Variants in KCNQ2 observed in about 807,000 individuals in gnomAD.
The protein encoded by KCNQ2 is potassium voltage-gated channel subfamily KQT member 2.
KCNQ2 carries 14 observed loss-of-function variants against 84.8 expected under a neutral mutation model. The ratio of observed to expected loss-of-function variants is 0.17; its 90% confidence interval spans 0.11 to 0.26. The LOEUF (loss-of-function observed/expected upper bound fraction) is 0.26, where lower values mean the gene tolerates loss of function less well. Among genes scored for constraint, KCNQ2 ranks in the 10% least tolerant of loss-of-function variants. The pLI, the probability that KCNQ2 is intolerant of heterozygous loss-of-function variation, is 1.00. For synonymous variants in KCNQ2, 599 were observed against 554.1 expected, an observed-to-expected ratio of 1.08 and a Z score of -1.14; for missense variants, 788 against 1,254.0, an observed-to-expected ratio of 0.63 and a Z score of 5.61.
chr20:63,439,573 G>C (rs773454148), intron 6 of KCNQ2, 25 bp downstream of exon 6: 3 of 1,557,240 alleles, frequency 1.9e-6, no homozygotes, highest in African/African-American at 1.4e-5. Flanking sequence ...CCCCCTCCAA[G>C]GCAGGCAGGG....
At chr20:63,442,038 T>G (rs2081175425) in intron 5 of KCNQ2, among the ~76,000 whole-genome samples, 1 of 152,102 alleles carries the variant, frequency 6.6e-6, no homozygotes, top group African/African-American at 2.4e-5. Context: ...CTCCAAAAAC[T>G]CAGGGCTGCC....
chr20:63,424,788 T>C (rs1161561960), intron 10 of KCNQ2, among the ~76,000 whole-genome samples: 1 of 152,238 alleles, frequency 6.6e-6, no homozygotes, highest in Non-Finnish European at 1.5e-5. Context: ...CATCTGGGGC[T>C]GTTTCCGCGG....
rs555308994 is a variant in KCNQ2, at chr20:63,470,748, C to A, written c.296+1420G>T. 2.6e-5 allele frequency: 4 copies of A among 152,270 alleles called. No homozygotes were observed. In the South Asian group the frequency reaches 6.2e-4, roughly 24 times the overall value. 9.4% of individuals were successfully genotyped at this position (152,270 alleles called of 1,614,324 possible). ...ACCTGGCTGACCAGTACCGGCCCACCAAGAGCCCCTTTGGCCCCCAGCCAG... is the reference window on the plus strand; with the variant it reads ...ACCTGGCTGACCAGTACCGGCCCACAAAGAGCCCCTTTGGCCCCCAGCCAG... On this transcript the variant is annotated intron_variant, in intron 1 of 16. Transcript: ENST00000359125.
chr20:63,431,110 G>C (rs956972587), intron 9 of KCNQ2, among the ~76,000 whole-genome samples: 1 of 152,182 alleles, frequency 6.6e-6, no homozygotes, highest in African/African-American at 2.4e-5. Flanking sequence ...TGGGCCCTGG[G>C]AGGGCAGGGT....
intron 15 of KCNQ2, among the ~76,000 whole-genome samples, chr20:63,409,194 TCTGTGTGTGCAC>T (rs1479167020): frequency 6.6e-6 from 1 of 152,102 alleles, no homozygotes; most frequent in Non-Finnish European, 1.5e-5. Context: ...GCTGCGAGGG[TCTGTGTGTGCAC>T]GTGTGTGTGC....
Position 63,407,450 on chromosome 20 carries a change from A to C in KCNQ2, c.1888-75T>G. 6.6e-7 allele frequency: 1 copy of C among 1,523,990 alleles called. No homozygotes were observed. Among genetic ancestry groups the C allele is most frequent in the African/African-American group, 1.4e-5 (1 of 72,566 alleles). 94.4% of individuals were successfully genotyped at this position (1,523,990 alleles called of 1,614,324 possible). ...GTGGGGACCCAGGCTGCTCCCAGGA[A>C]ATGGGGGGGCCCAGGCTGGTTCCAG... On this transcript the variant is annotated intron_variant, in intron 16 of 16. Transcript: ENST00000359125. This position sits in a 1 kb window ranked among gnomAD's most constrained non-coding sequence, Gnocchi z 7.2.
rs567887481 is a variant in KCNQ2 at position 63,453,006 on chromosome 20, G to A, written c.297-6169C>T. On this transcript the variant is annotated intron_variant, in intron 1 of 16. Transcript: ENST00000359125. ...AGTGAGAAGCTCAAAGCGCAGCACC[G>A]CGTGTGGAGGCCGGGTGGGTCCAAG... Among the ~76,000 whole-genome samples, 71 of 152,302 alleles carry A rather than the reference G, an allele frequency of 4.7e-4. 1 individual carries two copies. The highest frequency in any genetic ancestry group is 6.9e-4 in the Non-Finnish European group (47 of 68,016).
intron 5 of KCNQ2, among the ~76,000 whole-genome samples, chr20:63,440,706 C>G (rs1246691488): frequency 6.6e-6 from 1 of 152,188 alleles, no homozygotes; most frequent in African/African-American, 2.4e-5. Context: ...GCTGTGTGGT[C>G]TGAGGACAGG....
intron 11 of KCNQ2, among the ~76,000 whole-genome samples, chr20:63,420,198 G>A (rs2080424012): frequency 6.6e-6 from 1 of 152,234 alleles, no homozygotes; most frequent in Non-Finnish European, 1.5e-5. Flanking sequence ...TGCCACTGCA[G>A]GCATGGCTAT....
intron 1 of KCNQ2, among the ~76,000 whole-genome samples, chr20:63,466,200 G>A (rs79678506): frequency 0.011 from 1,742 of 152,204 alleles, 28 homozygotes; most frequent in African/African-American, 0.04. Flanking sequence ...GTGAACAGCC[G>A]GCATCTCCGC....
intron 1 of KCNQ2, among the ~76,000 whole-genome samples, chr20:63,461,759 G>C (rs967119935): frequency 1.3e-5 from 2 of 150,282 alleles, no homozygotes; most frequent in Admixed American, 6.6e-5. Flanking sequence ...AGGGAGCAGG[G>C]AGGAGGCTGC....
chr20:63,439,894 C>A (rs1337557861), intron 5 of KCNQ2, 186 bp from the exon 6 acceptor site: 2 of 654,032 alleles, frequency 3.1e-6, no homozygotes, highest in Non-Finnish European at 5.6e-6. Flanking sequence ...TGAGCCCTCT[C>A]TCCTCTTCCC....
chr20:63,408,592 G>A lies in KCNQ2; in HGVS notation c.1764-56C>T, dbSNP rs373929089. The A allele has an allele frequency of 2.4e-4, 389 of 1,595,232 alleles. 3 individuals are homozygous for A. In the South Asian group the frequency reaches 2.8e-3, roughly 12 times the overall value. On this transcript the variant is annotated intron_variant, in intron 15 of 16. Coordinates refer to ENST00000359125, the MANE Select transcript of KCNQ2 (RefSeq NM_172107.4). The surrounding 1 kb of genome is among the most constrained non-coding windows in gnomAD (Gnocchi z 5.0). ...TTCGGGTGGGTGCAGCAGGGCCCCT[G>A]CCCTCTCCTCCTGGACCAGGCCACA...
At chr20:63,452,072 G>A (rs1286390111) in intron 1 of KCNQ2, among the ~76,000 whole-genome samples, 1 of 152,268 alleles carries the variant, frequency 6.6e-6, no homozygotes, top group African/African-American at 2.4e-5. Context: ...CAGCACCAGA[G>A]CCAACTGAGG....
chr20:63,410,379 C>T (rs571346123), intron 15 of KCNQ2, among the ~76,000 whole-genome samples: 3 of 152,336 alleles, frequency 2.0e-5, no homozygotes, highest in Non-Finnish European at 4.4e-5. Context: ...GACTTGATCC[C>T]TGAGTGCTCA....
chr20:63,442,863 T>TCACCAC (rs2081239695), intron 4 of KCNQ2, among the ~76,000 whole-genome samples: 3 of 19,310 alleles, frequency 1.6e-4, no homozygotes, highest in Admixed American at 5.6e-4. Flanking sequence ...ACCACCACCA[T>TCACCAC]CACCATCACC....
chr20:63,462,797 C>T (rs775213973), intron 1 of KCNQ2, among the ~76,000 whole-genome samples: 15 of 152,250 alleles, frequency 9.9e-5, no homozygotes, highest in East Asian at 1.9e-4. Context: ...CGTGAGCGCC[C>T]GACGGAGCCT....
intron 1 of KCNQ2, among the ~76,000 whole-genome samples, chr20:63,461,919 T>G (rs1449203586): frequency 5.3e-5 from 6 of 113,480 alleles, no homozygotes; most frequent in East Asian, 3.0e-4. Context: ...GGGAGGAGGC[T>G]GCACCTACCC....
At chr20:63,426,363 A>G (rs2145626791) in intron 10 of KCNQ2, among the ~76,000 whole-genome samples, 1 of 152,324 alleles carries the variant, frequency 6.6e-6, no homozygotes, top group Non-Finnish European at 1.5e-5. Flanking sequence ...CTGTCTGGCC[A>G]CACCTGTGGG....
Sources: gnomAD v4.1 joint callset for allele counts (sites outside exome capture counted in the v4.1 genomes callset) on GRCh38, gnomAD v4.1.1 for gene constraint, Gnocchi (gnomAD v3.1) non-coding constraint, MANE v1.5 for transcripts, NCBI Gene and HGNC (gene_info 2026-07-23, HGNC 2026-07-21) for gene names.